The following LRMDA variants were observed in gnomAD, a reference collection of about 807,000 sequenced individuals.
LRMDA encodes leucine rich melanocyte differentiation associated.
LRMDA carries 18 observed loss-of-function variants against 29.8 expected under a neutral mutation model. That is an observed-to-expected ratio of 0.60 (90% CI 0.42 to 0.90). LRMDA has a LOEUF of 0.90. Among genes scored for constraint, LRMDA ranks in the 40% least tolerant of loss-of-function variants. The pLI is 0.00. For synonymous variants in LRMDA, 125 were observed against 109.4 expected (o/e 1.14, Z -0.89); for missense variants, 273 against 273.9 (o/e 1.00, Z 0.02).
chr10:76,372,250 A>G (rs779067842), intron 6 of LRMDA, among the ~76,000 whole-genome samples: 3 of 152,196 alleles, frequency 2.0e-5, no homozygotes, highest in African/African-American at 7.2e-5. Flanking sequence ...CTAGAAATAA[A>G]GGGAGTACCA....
intron 5 of LRMDA, among the ~76,000 whole-genome samples, chr10:76,251,846 G>A (rs553615832): frequency 1.3e-5 from 2 of 152,316 alleles, no homozygotes; most frequent in South Asian, 2.1e-4. Flanking sequence ...AAATCCTGCC[G>A]TGAGGGCTGT....
At chr10:75,568,528 C>T (rs1403436342) in intron 2 of LRMDA, among the ~76,000 whole-genome samples, 3 of 152,178 alleles carry the variant, frequency 2.0e-5, no homozygotes, top group Non-Finnish European at 4.4e-5. Context: ...CAAGAGAACA[C>T]TGTGGTAAGA....
In LRMDA at chr10:75,613,500, C is replaced by T. The variant is rs559294835; in HGVS notation, c.131+175006C>T. The stretch of plus-strand genomic sequence containing the variant: ...GTCCTCCTTATCTGCACATCACTCT[C>T]GCTTTTTTCATCCCTACCCCTGGGG... On this transcript the variant is annotated intron_variant, in intron 2 of 6. Transcript: ENST00000611255. Among the ~76,000 whole-genome samples the T allele has an allele frequency of 1.2e-4, 19 of 152,264 alleles. No individual in the cohort carries two copies. In the South Asian group the frequency reaches 2.3e-3, roughly 18 times the overall value.
chr10:75,465,046 C>T (rs1945810808), intron 2 of LRMDA, among the ~76,000 whole-genome samples: 1 of 152,112 alleles, frequency 6.6e-6, no homozygotes, highest in Non-Finnish European at 1.5e-5. Flanking sequence ...ATTCTGTGTC[C>T]CACAGACCTT....
chr10:75,572,238 C>T (rs576630363), intron 2 of LRMDA, among the ~76,000 whole-genome samples: 7 of 152,302 alleles, frequency 4.6e-5, no homozygotes, highest in Admixed American at 3.9e-4. Flanking sequence ...GGGCATGAGC[C>T]ACCGTGCCTG....
chr10:75,431,642 C>CGCCGCGCTCCCCT lies in LRMDA; in HGVS notation c.-70_-58dup, dbSNP rs1185516328. 2.6e-4 allele frequency: 307 copies of CGCCGCGCTCCCCT among 1,168,522 alleles called. No homozygotes were observed. The highest frequency in any genetic ancestry group is 1.9e-3 in the African/African-American group (119 of 61,496). 72.4% of individuals were successfully genotyped at this position (1,168,522 alleles called of 1,614,324 possible). A position where few individuals can be genotyped will look rare whatever the true frequency, so the allele number is the denominator to read the frequency against. ...ACTGCCCAGTGCGGAACTGTGCGCC[C>CGCCGCGCTCCCCT]GCCGCGCTCCCCTGCCGCGCTCCCC... On this transcript the variant is annotated 5_prime_UTR_variant, in exon 1 of 7. Transcript: ENST00000611255.
At chr10:75,481,384 T>G (rs1409589501) in intron 2 of LRMDA, among the ~76,000 whole-genome samples, 1 of 152,148 alleles carries the variant, frequency 6.6e-6, no homozygotes, top group African/African-American at 2.4e-5. Context: ...GGTCACATGC[T>G]GCAAAGAGGA....
At chr10:76,064,442 GT>G (rs1848752016) in intron 5 of LRMDA, among the ~76,000 whole-genome samples, 1 of 152,100 alleles carries the variant, frequency 6.6e-6, no homozygotes, top group African/African-American at 2.4e-5. Context: ...ACATGTTAGG[GT>G]ACCCACAAGT....
chr10:76,339,126 C>T (rs907433390), intron 6 of LRMDA, among the ~76,000 whole-genome samples: 1 of 151,952 alleles, frequency 6.6e-6, no homozygotes, highest in Admixed American at 6.6e-5. Flanking sequence ...TCTTTAAAAA[C>T]CTGTATGAAA....
intron 1 of LRMDA, among the ~76,000 whole-genome samples, chr10:75,433,186 C>T (rs1400577539): frequency 6.6e-6 from 1 of 152,184 alleles, no homozygotes; most frequent in African/African-American, 2.4e-5. Context: ...GGAGGGTTCC[C>T]TGCCCCCCAG....
At chr10:76,318,531 C>A (rs1840728829) in intron 5 of LRMDA, 1 of 152,580 alleles carries the variant, frequency 6.6e-6, no homozygotes. Flanking sequence ...CAGCTTCATG[C>A]TCAGCATTTG....
chr10:76,465,950 C>T (rs1301257890), intron 6 of LRMDA, among the ~76,000 whole-genome samples: 1 of 152,124 alleles, frequency 6.6e-6, no homozygotes, highest in East Asian at 1.9e-4. Context: ...CCCCAATGAC[C>T]TCATTTTAAC....
At chr10:75,489,906 A>G (rs1249451323) in intron 2 of LRMDA, among the ~76,000 whole-genome samples, 2 of 152,194 alleles carry the variant, frequency 1.3e-5, no homozygotes, top group Non-Finnish European at 2.9e-5. Flanking sequence ...ATCTTTTACT[A>G]TGTATCAGGT....
At chr10:75,911,847 G>A (rs565013917) in intron 2 of LRMDA, among the ~76,000 whole-genome samples, 50 of 152,316 alleles carry the variant, frequency 3.3e-4, no homozygotes, top group African/African-American at 1.1e-3. Context: ...GCTTGAGGCT[G>A]AATAAGTCCA....
chr10:76,239,039 A>C (rs1852218464), intron 5 of LRMDA, among the ~76,000 whole-genome samples: 1 of 152,202 alleles, frequency 6.6e-6, no homozygotes, highest in South Asian at 2.1e-4. Flanking sequence ...GCCAACTCCC[A>C]GGGGGCCATG....
At chr10:75,496,437 A>G (rs1037984580) in intron 2 of LRMDA, among the ~76,000 whole-genome samples, 2 of 152,256 alleles carry the variant, frequency 1.3e-5, no homozygotes, top group African/African-American at 4.8e-5. Flanking sequence ...TCTTGTAAGC[A>G]ATCACTATGC....
At position 75,860,637 on chromosome 10, in the gene LRMDA, A is replaced by G. The variant is rs148703406; in HGVS notation, c.132-175371A>G. 6.4e-3 allele frequency among the ~76,000 whole-genome samples: 976 copies of G among 152,256 alleles called. 14 individuals carry two copies. The highest frequency in any genetic ancestry group is 0.022 in the African/African-American group (922 of 41,562). On this transcript the variant is annotated intron_variant, in intron 2 of 6. Coordinates refer to ENST00000611255, the MANE Select transcript of LRMDA (RefSeq NM_001305581.2). ...ACACCTGGCACATTATGATGTTTCTAACTCATGCTTTGAAGCCCAATGTTG... is the reference window on the plus strand; with the variant it reads ...ACACCTGGCACATTATGATGTTTCTGACTCATGCTTTGAAGCCCAATGTTG...
chr10:75,632,782 G>GTTTTTTTTTTTTTT (rs386371855), intron 2 of LRMDA, among the ~76,000 whole-genome samples: 1 of 43,248 alleles, frequency 2.3e-5, no homozygotes, highest in Non-Finnish European at 4.6e-5. Context: ...GTTTAGTTTA[G>GTTTTTTTTTTTTTT]TTTTTTTTTT....
At chr10:76,451,957 C>A (rs572909462) in intron 6 of LRMDA, among the ~76,000 whole-genome samples, 1 of 152,078 alleles carries the variant, frequency 6.6e-6, no homozygotes, top group African/African-American at 2.4e-5. Flanking sequence ...ATGCCTGGCC[C>A]GATGCTTTGT....
Sources: allele counts gnomAD v4.1 joint callset (sites outside exome capture counted in the v4.1 genomes callset), GRCh38; gene constraint gnomAD v4.1.1; transcripts MANE v1.5; gene names NCBI Gene and HGNC (gene_info 2026-07-23, HGNC 2026-07-21).